BBS2: variants seen among roughly 807,000 people sequenced by gnomAD.
BBS2 encodes BBSome complex member BBS2.
BBS2 carries 62 observed loss-of-function variants against 83.0 expected under a neutral mutation model. That is an observed-to-expected ratio of 0.75 (90% confidence interval 0.61 to 0.92). The LOEUF (loss-of-function observed/expected upper bound fraction) is 0.92, where lower values mean the gene tolerates loss of function less well. BBS2 is among the 40% of genes least tolerant of loss of function. The pLI is 0.00. For synonymous variants in BBS2, 303 were observed against 326.1 expected, an observed-to-expected ratio of 0.93 and a Z score of 0.76; for missense variants, 784 against 901.0, an observed-to-expected ratio of 0.87 and a Z score of 1.66.
intron 15 of BBS2, among the ~76,000 whole-genome samples, chr16:56,487,375 A>T (rs1567565396): frequency 6.6e-6 from 1 of 152,200 alleles, no homozygotes; most frequent in Non-Finnish European, 1.5e-5. Context: ...AAACTATAAG[A>T]TAGTTAGTAA....
chr16:56,495,462 T>C (rs1186330856), intron 15 of BBS2, among the ~76,000 whole-genome samples: 5 of 152,160 alleles, frequency 3.3e-5, no homozygotes, highest in Admixed American at 6.5e-5. Flanking sequence ...AGAATAATAC[T>C]AAACATTACC....
chr16:56,490,983 G>A (rs1487043878), intron 15 of BBS2, among the ~76,000 whole-genome samples: 2 of 151,876 alleles, frequency 1.3e-5, no homozygotes, highest in African/African-American at 4.8e-5. Flanking sequence ...GGACGGTCTC[G>A]ATCTCCTGGC....
At chr16:56,510,576 A>G (rs866063500) in intron 4 of BBS2, among the ~76,000 whole-genome samples, 6 of 152,248 alleles carry the variant, frequency 3.9e-5, no homozygotes, top group Admixed American at 3.3e-4. Flanking sequence ...GCAATTCATA[A>G]GACCGTGAAT....
chr16:56,500,805 C>T (rs1266868225), intron 11 of BBS2, 49 bp downstream of exon 11: 3 of 1,596,196 alleles, frequency 1.9e-6, no homozygotes, highest in Non-Finnish European at 2.6e-6. Flanking sequence ...TACATCTTGC[C>T]CTCCTCTAAG....
intron 12 of BBS2, chr16:56,498,826 C>G (rs1964185229): frequency 1.2e-6 from 1 of 834,406 alleles, no homozygotes; most frequent in Admixed American, 3.0e-5. Flanking sequence ...CCTGGCCCCA[C>G]AGCAGACATG....
At chr16:56,493,176 C>T (rs1964010407) in intron 15 of BBS2, among the ~76,000 whole-genome samples, 1 of 151,906 alleles carries the variant, frequency 6.6e-6, no homozygotes, top group African/African-American at 2.4e-5. Flanking sequence ...CAGTAGATCC[C>T]ATGAGTTCAA....
At chr16:56,507,313 G>C (rs1347663633) in intron 5 of BBS2, among the ~76,000 whole-genome samples, 1 of 152,178 alleles carries the variant, frequency 6.6e-6, no homozygotes, top group Admixed American at 6.5e-5. Context: ...TAGTTCACCA[G>C]TTTCTTCCTT....
At position 56,510,840 on chromosome 16, in the gene BBS2, T is replaced by G. The variant is rs930327101; in HGVS notation, c.534+19A>C. On this transcript the variant is annotated intron_variant, in intron 4 of 16. Coordinates refer to ENST00000245157, the MANE Select transcript of BBS2 (RefSeq NM_031885.5). ...CATTTGGCTGAACACACAAGAGAGATATCTCCTCCCCCACATACCTCTTTC... is the reference window on the plus strand; with the variant it reads ...CATTTGGCTGAACACACAAGAGAGAGATCTCCTCCCCCACATACCTCTTTC... The G allele has an allele frequency of 2.5e-6, 4 of 1,613,184 alleles. No individual in the cohort carries two copies. Among genetic ancestry groups the G allele is most frequent in the African/African-American group, 1.3e-5 (1 of 75,004 alleles).
At chr16:56,475,402 TC>T (rs1963414551) in intron 17 of BBS2, 7 of 1,015,652 alleles carry the variant, frequency 6.9e-6, no homozygotes, top group Non-Finnish European at 9.3e-6. Flanking sequence ...ACTGCTGAAC[TC>T]CCAGATCCCC....
chr16:56,473,120 C>T (rs1393476170), intron 17 of BBS2, among the ~76,000 whole-genome samples: 4 of 152,078 alleles, frequency 2.6e-5, no homozygotes, highest in South Asian at 2.1e-4. Context: ...TTAGTAGAGA[C>T]GGGGTTTCAC....
At chr16:56,489,113 AG>A in intron 15 of BBS2, among the ~76,000 whole-genome samples, 1 of 152,110 alleles carries the variant, frequency 6.6e-6, no homozygotes, top group African/African-American at 2.4e-5. Context: ...CCGAGGCAAG[AG>A]GATGGCTTAA....
At chr16:56,506,530 C>G (rs1171110686) in intron 5 of BBS2, among the ~76,000 whole-genome samples, 7 of 152,114 alleles carry the variant, frequency 4.6e-5, no homozygotes, top group Non-Finnish European at 7.4e-5. Context: ...AAAACATAAG[C>G]TAACTACACA....
intron 2 of BBS2, among the ~76,000 whole-genome samples, chr16:56,512,349 G>A (rs140145382): frequency 0.014 from 2,135 of 152,092 alleles, 30 homozygotes; most frequent in Non-Finnish European, 0.019. Flanking sequence ...ATTTACCCAA[G>A]ATAAATTAAA....
chr16:56,518,945 G>A lies in BBS2; in HGVS notation c.117+801C>T, dbSNP rs377519273. On this transcript the variant is annotated intron_variant, in intron 1 of 16. Transcript: ENST00000245157. Reference sequence around the variant, plus strand: ...ACCTAATACTTAGTGAATAAATTACGGGGAAAGAACTGAATGTACATGGGC... The same window carrying A: ...ACCTAATACTTAGTGAATAAATTACAGGGAAAGAACTGAATGTACATGGGC... 1.5e-4 allele frequency among the ~76,000 whole-genome samples: 23 copies of A among 152,202 alleles called. No homozygotes were observed. In the East Asian group the frequency reaches 1.5e-3, roughly 10 times the overall value.
chr16:56,507,743 G>A (rs766468729), intron 5 of BBS2, among the ~76,000 whole-genome samples: 39 of 152,102 alleles, frequency 2.6e-4, no homozygotes, highest in Admixed American at 5.9e-4. Context: ...TGAGGCGGGT[G>A]GATCACCTGA....
chr16:56,498,480 C>T lies in BBS2; in HGVS notation c.1616G>A (p.Arg539Gln), dbSNP rs753398421. Residue 539 changes from arginine to glutamine, a missense_variant, in exon 13 of 17, where the codon CGG (arginine) becomes CAG (glutamine). Coordinates refer to ENST00000245157, the MANE Select transcript of BBS2 (RefSeq NM_031885.5). Reference protein sequence around the residue: ...APFQVCFTSLRNGGHLHIKIK... With the variant: ...APFQVCFTSLQNGGHLHIKIK... ...TTTTATATGCAGGTGGCCGCCATTC[C>T]GTAAAGATGTGAAACACACTTGAAA... 49 of 1,613,824 alleles carry T rather than the reference C, an allele frequency of 3.0e-5. No homozygotes were observed. The highest frequency in any genetic ancestry group is 3.6e-5 in the Non-Finnish European group (43 of 1,179,990).
At chr16:56,491,263 T>G (rs1290094285) in intron 15 of BBS2, among the ~76,000 whole-genome samples, 2 of 152,094 alleles carry the variant, frequency 1.3e-5, no homozygotes, top group African/African-American at 4.8e-5. Flanking sequence ...AGGGAGTGTT[T>G]GGGTCATGGG....
Position 56,496,992 on chromosome 16 carries a change from C to T in BBS2, c.1885G>A (p.Glu629Lys), listed in dbSNP as rs746505864. 7.9e-5 allele frequency: 128 copies of T among 1,613,920 alleles called. No homozygotes were observed. Among genetic ancestry groups the T allele is most frequent in the Non-Finnish European group, 1.1e-4 (124 of 1,179,902 alleles). Residue 629 changes from glutamate to lysine, a missense_variant, in exon 15 of 17, where the codon GAG (glutamate) becomes AAG (lysine). Transcript: ENST00000245157. ...ATGTCCCTCATCAGACGAGCATCCT[C>T]AGCTCCGACCAGCAAACTTCGGATC... Reference protein sequence around the residue: ...NLIRSLLVGAEDARLMRDMKT... With the variant: ...NLIRSLLVGAKDARLMRDMKT...
Position 56,502,441 on chromosome 16 carries a change from G to C in BBS2, c.956C>G (p.Pro319Arg). The change falls in exon 9 of 17, where the codon CCT becomes CGT. Residue 319 changes from proline (P) to arginine (R), a missense_variant. Physicochemically the swap from Pro to Arg is moderately radical, Grantham distance 103. Coordinates refer to ENST00000245157, the MANE Select transcript of BBS2 (RefSeq NM_031885.5). ...SVDGEIRGYLPGTAEMRGNLM... is the reference protein window; with the variant it reads ...SVDGEIRGYLRGTAEMRGNLM... ...GTTGCCCCTCATCTCAGCCGTGCCA[G>C]GCAGGTAGCCCCGGACTGAACAGAA... 1 of 1,614,174 alleles carries C rather than the reference G, an allele frequency of 6.2e-7. No homozygotes were observed. Among genetic ancestry groups the C allele is most frequent in the African/African-American group, 1.3e-5 (1 of 75,014 alleles).
Sources: gnomAD v4.1 joint callset for allele counts (sites outside exome capture counted in the v4.1 genomes callset) on GRCh38, gnomAD v4.1.1 for gene constraint, MANE v1.5 for transcripts, NCBI Gene and HGNC (gene_info 2026-07-23, HGNC 2026-07-21) for gene names.